The following ELL variants were observed in gnomAD, a reference collection of about 807,000 sequenced individuals.
ELL encodes RNA polymerase II elongation factor ELL.
In ELL, 18 loss-of-function variants were observed where a neutral mutation model predicts 64.0. The observed-to-expected ratio is 0.28, with a 90% CI of 0.19 to 0.42. The LOEUF (loss-of-function observed/expected upper bound fraction) is 0.42. Among genes scored for constraint, ELL ranks in the 10% least tolerant of loss-of-function variants. The probability of loss-of-function intolerance (pLI) is 1.00; values close to 1 mark genes in which losing one functional copy is unlikely to be tolerated. For missense variants in ELL, 797 were observed against 870.4 expected (o/e 0.92, Z 1.06); for synonymous variants, 399 against 376.2 (o/e 1.06, Z -0.70).
chr19:18,502,976 C>T (rs1163754721), intron 1 of ELL, among the ~76,000 whole-genome samples: 3 of 152,252 alleles, frequency 2.0e-5, no homozygotes, highest in Non-Finnish European at 2.9e-5. Context: ...AGTGGCTGCA[C>T]ACCCACCACA....
At position 18,471,549 on chromosome 19, in the gene ELL, T is replaced by A. The variant is rs138347317; in HGVS notation, c.183+1286A>T. On this transcript the variant is annotated intron_variant, in intron 2 of 11. Transcript: ENST00000262809. ...CAGGCATGGTGGCAGGCGTCTGTAA[T>A]CTCAGCTACTTGGGAGGCTTAGGCA... 6.5e-4 allele frequency among the ~76,000 whole-genome samples: 99 copies of A among 152,298 alleles called. 1 individual carries two copies. The highest frequency in any genetic ancestry group is 2.1e-3 in the African/African-American group (86 of 41,558).
At chr19:18,484,357 C>T (rs1402995254) in intron 1 of ELL, among the ~76,000 whole-genome samples, 1 of 152,054 alleles carries the variant, frequency 6.6e-6, no homozygotes, top group Non-Finnish European at 1.5e-5. Flanking sequence ...TCCAGCTACC[C>T]GGGAGGCTGA....
intron 1 of ELL, among the ~76,000 whole-genome samples, chr19:18,506,395 T>C (rs963104146): frequency 1.3e-5 from 2 of 152,228 alleles, no homozygotes; most frequent in African/African-American, 4.8e-5. Context: ...GGGAAAGGGA[T>C]CCAAAGCTCC....
At chr19:18,451,048 G>T in intron 7 of ELL, 73 bp from the exon 8 acceptor site, 1 of 1,438,722 alleles carries the variant, frequency 7.0e-7, no homozygotes, top group Non-Finnish European at 9.1e-7. Context: ...CCCCTGGCCT[G>T]GCTAGAAAAC....
At chr19:18,504,283 C>G (rs1004462589) in intron 1 of ELL, among the ~76,000 whole-genome samples, 2 of 152,222 alleles carry the variant, frequency 1.3e-5, no homozygotes, top group Non-Finnish European at 2.9e-5. Context: ...CACTGACGCA[C>G]AGAGGCCACT....
chr19:18,517,406 G>A (rs202012364), intron 1 of ELL, among the ~76,000 whole-genome samples: 1 of 152,008 alleles, frequency 6.6e-6, no homozygotes, highest in African/African-American at 2.4e-5. Flanking sequence ...GCACCACCAC[G>A]CCTGGCTAAT....
At chr19:18,521,062 C>T (rs1600517445) in intron 1 of ELL, among the ~76,000 whole-genome samples, 1 of 152,178 alleles carries the variant, frequency 6.6e-6, no homozygotes, top group East Asian at 1.9e-4. Context: ...AACCGAAACG[C>T]CTCAAACTTC....
chr19:18,469,522 C>T (rs1975017285), intron 2 of ELL, among the ~76,000 whole-genome samples: 1 of 152,220 alleles, frequency 6.6e-6, no homozygotes, highest in Admixed American at 6.5e-5. Flanking sequence ...GCTCATGGGC[C>T]CAGTGACCCA....
At chr19:18,513,142 C>G (rs1976062682) in intron 1 of ELL, among the ~76,000 whole-genome samples, 1 of 152,166 alleles carries the variant, frequency 6.6e-6, no homozygotes, top group Non-Finnish European at 1.5e-5. Context: ...GGCTGAGCTG[C>G]CTTCCCTGGC....
chr19:18,517,034 C>T (rs1287900147), intron 1 of ELL, among the ~76,000 whole-genome samples: 1 of 152,138 alleles, frequency 6.6e-6, no homozygotes, highest in Non-Finnish European at 1.5e-5. Flanking sequence ...AAAGAGGTCA[C>T]TCAGCAACAG....
chr19:18,498,925 G>A (rs543832755), intron 1 of ELL, among the ~76,000 whole-genome samples: 1 of 151,540 alleles, frequency 6.6e-6, no homozygotes, highest in African/African-American at 2.4e-5. Flanking sequence ...ACTCCAGCCT[G>A]GGCAACAGAG....
chr19:18,493,954 A>T (rs1196180109), intron 1 of ELL, among the ~76,000 whole-genome samples: 1 of 152,200 alleles, frequency 6.6e-6, no homozygotes, highest in African/African-American at 2.4e-5. Context: ...TCTTGTCCCA[A>T]GCAGGTAGAC....
At chr19:18,492,470 C>CT (rs1975553218) in intron 1 of ELL, among the ~76,000 whole-genome samples, 1 of 152,258 alleles carries the variant, frequency 6.6e-6, no homozygotes, top group South Asian at 2.1e-4. Context: ...ATCTGTGCCT[C>CT]TGACGTGCTG....
Position 18,450,769 on chromosome 19 carries a change from C to A in ELL, c.1173G>T (p.Pro391=). 6.3e-7 allele frequency: 1 copy of A among 1,579,330 alleles called. No individual in the cohort carries two copies. The highest frequency in any genetic ancestry group is 1.1e-5 in the South Asian group (1 of 87,648). ...CATCGGCCAGGGGGTCGTGGGCCCTCGGGGGCTCCAGCCGCGGGGGCAGGT... is the reference window on the plus strand; with the variant it reads ...CATCGGCCAGGGGGTCGTGGGCCCTAGGGGGCTCCAGCCGCGGGGGCAGGT... ...STHLPPRLEP[P]RAHDPLADVS... The change falls in exon 8 of 12, where the codon CCG becomes CCT. Residue 391 remains proline (P), a synonymous_variant. Transcript: ENST00000262809.
At position 18,444,348 on chromosome 19, in the gene ELL, A is replaced by G. The variant is rs1974363679; in HGVS notation, c.*404T>C. ...AGGAGAGGGAGGCACAGGTTTAGAAAAAAGATTTTGCTTCTCTTTTGTACA... is the reference window on the plus strand; with the variant it reads ...AGGAGAGGGAGGCACAGGTTTAGAAGAAAGATTTTGCTTCTCTTTTGTACA... On this transcript the variant is annotated 3_prime_UTR_variant, in exon 12 of 12. Transcript: ENST00000262809. 4.1e-6 allele frequency: 1 copy of G among 243,670 alleles called. No individual in the cohort carries two copies. The highest frequency in any genetic ancestry group is 8.0e-6 in the Non-Finnish European group (1 of 124,266). The allele number at this position is 243,670 out of a possible 1,614,324, so 15.1% of individuals were successfully genotyped here. A position where few individuals can be genotyped will look rare whatever the true frequency, so the allele number is the denominator to read the frequency against.
At chr19:18,458,144 G>A (rs540795846) in intron 6 of ELL, 61 bp downstream of exon 6, 2 of 1,589,492 alleles carry the variant, frequency 1.3e-6, no homozygotes, top group Admixed American at 3.4e-5. Context: ...GCATCCTCTG[G>A]GTAAGCTCTG....
At chr19:18,445,821 G>T (rs892286209) in intron 10 of ELL, among the ~76,000 whole-genome samples, 7 of 152,048 alleles carry the variant, frequency 4.6e-5, no homozygotes, top group South Asian at 4.1e-4. Context: ...AATGAGCTGT[G>T]AGCTCAAGCC....
At chr19:18,499,521 G>A (rs1292401318) in intron 1 of ELL, among the ~76,000 whole-genome samples, 2 of 152,216 alleles carry the variant, frequency 1.3e-5, no homozygotes, top group Non-Finnish European at 2.9e-5. Context: ...CTGCCACGAG[G>A]AAGGGGGCAA....
At chr19:18,462,382 G>T (rs1974847324) in intron 4 of ELL, among the ~76,000 whole-genome samples, 1 of 83,386 alleles carries the variant, frequency 1.2e-5, no homozygotes, top group Non-Finnish European at 2.2e-5. Context: ...GGGGGCGGGG[G>T]GGGAAGGATT....
Sources: gnomAD v4.1 joint callset for allele counts (sites outside exome capture counted in the v4.1 genomes callset) on GRCh38, gnomAD v4.1.1 for gene constraint, MANE v1.5 for transcripts, NCBI Gene and HGNC (gene_info 2026-07-23, HGNC 2026-07-21) for gene names.